MYO1B: variants seen among roughly 807,000 people sequenced by gnomAD.
The protein encoded by MYO1B is myosin IB, also known as unconventional myosin-Ib.
In MYO1B, 72 loss-of-function variants were observed where a neutral mutation model predicts 159.7. The ratio of observed to expected loss-of-function variants is 0.45; its 90% CI spans 0.37 to 0.55. MYO1B has a LOEUF of 0.55. Among genes scored for constraint, MYO1B ranks in the 20% least tolerant of loss-of-function variants. The pLI is 0.00. For synonymous variants in MYO1B, 468 were observed against 473.8 expected (o/e 0.99, Z 0.16); for missense variants, 1,062 against 1,364.8 (o/e 0.78, Z 3.50).
intron 3 of MYO1B, among the ~76,000 whole-genome samples, chr2:191,324,461 A>C (rs1690925278): frequency 2.0e-5 from 3 of 152,146 alleles, no homozygotes; most frequent in Admixed American, 6.6e-5. Context: ...TTTAGAATCC[A>C]TATAGAGTTA....
intron 18 of MYO1B, 60 bp downstream of exon 18, chr2:191,390,552 G>T (rs1695686108): frequency 1.3e-6 from 2 of 1,518,336 alleles, no homozygotes; most frequent in Non-Finnish European, 8.9e-7. Context: ...ATAATACGGT[G>T]TTTTTTCACA....
chr2:191,365,063 T>A (rs1421467783), intron 11 of MYO1B, among the ~76,000 whole-genome samples: 1 of 152,184 alleles, frequency 6.6e-6, no homozygotes, highest in Non-Finnish European at 1.5e-5. Flanking sequence ...AGCTGCTGCC[T>A]TCTCTCCTTT....
intron 1 of MYO1B, among the ~76,000 whole-genome samples, chr2:191,264,105 A>G (rs1686980904): frequency 6.6e-6 from 1 of 152,184 alleles, no homozygotes; most frequent in Non-Finnish European, 1.5e-5. Flanking sequence ...TCCAAATTCT[A>G]ATATAATTGT....
At chr2:191,363,274 T>G (rs1351707972) in intron 9 of MYO1B, among the ~76,000 whole-genome samples, 1 of 152,146 alleles carries the variant, frequency 6.6e-6, no homozygotes, top group Non-Finnish European at 1.5e-5. Flanking sequence ...CCGTAAAAAT[T>G]TATGAATGAA....
chr2:191,355,697 C>G (rs982112261), intron 7 of MYO1B, among the ~76,000 whole-genome samples: 1 of 152,220 alleles, frequency 6.6e-6, no homozygotes, highest in East Asian at 1.9e-4. Context: ...GCTGAGCCCT[C>G]TGTGCACGGC....
chr2:191,293,727 A>T (rs1276487165), intron 2 of MYO1B, among the ~76,000 whole-genome samples: 6 of 152,118 alleles, frequency 3.9e-5, no homozygotes, highest in Non-Finnish European at 7.4e-5. Flanking sequence ...CTGTTTTATC[A>T]GCATCGTCTT....
intron 1 of MYO1B, among the ~76,000 whole-genome samples, chr2:191,267,098 CT>C (rs1357605543): frequency 6.6e-6 from 1 of 152,022 alleles, no homozygotes; most frequent in Non-Finnish European, 1.5e-5. Flanking sequence ...CCCTCTCTGC[CT>C]ATGCAGAGAC....
Position 191,394,922 on chromosome 2 carries a change from A to T in MYO1B, c.2227-1507A>T, listed in dbSNP as rs371852361. Among the ~76,000 whole-genome samples the T allele has an allele frequency of 1.1e-4, 16 of 152,304 alleles. No individual in the cohort carries two copies. The East Asian group carries it at 2.5e-3, about 24-fold the overall frequency. ...TGCATTAACTTTGTTCTAATGTTAC[A>T]TCTCTTTCAAAATTTGAACTACATA... On this transcript the variant is annotated intron_variant, in intron 20 of 30. Transcript: ENST00000392318.
At chr2:191,330,536 C>T (rs1691404820) in intron 4 of MYO1B, among the ~76,000 whole-genome samples, 1 of 152,126 alleles carries the variant, frequency 6.6e-6, no homozygotes, top group African/African-American at 2.4e-5. Context: ...AAAAACCCTC[C>T]AAATGGAAGG....
At chr2:191,361,944 A>G (rs1202928468) in intron 8 of MYO1B, among the ~76,000 whole-genome samples, 1 of 152,150 alleles carries the variant, frequency 6.6e-6, no homozygotes, top group Admixed American at 6.5e-5. Flanking sequence ...CAGAACACAT[A>G]TGTTATAATG....
At chr2:191,261,668 C>T (rs35339956) in intron 1 of MYO1B, among the ~76,000 whole-genome samples, 42,219 of 151,938 alleles carry the variant, frequency 0.28, 6,411 homozygotes, top group Middle Eastern at 0.46. Context: ...CAAGGCGGGA[C>T]GTAGAGAGGG....
chr2:191,313,225 T>TTTTTTG (rs1690127069), intron 3 of MYO1B, among the ~76,000 whole-genome samples: 1 of 77,392 alleles, frequency 1.3e-5, no homozygotes, highest in Non-Finnish European at 2.7e-5. Flanking sequence ...TTTTTTTTTT[T>TTTTTTG]TTGAGACGGA....
intron 7 of MYO1B, among the ~76,000 whole-genome samples, chr2:191,351,659 G>A (rs1692934049): frequency 6.6e-6 from 1 of 152,178 alleles, no homozygotes; most frequent in African/African-American, 2.4e-5. Context: ...GACTGAGGCA[G>A]GGGGATCACC....
intron 13 of MYO1B, among the ~76,000 whole-genome samples, chr2:191,380,634 A>G (rs560691702): frequency 1.3e-5 from 2 of 152,368 alleles, no homozygotes; most frequent in African/African-American, 4.8e-5. Context: ...TGATTTAGGC[A>G]TAAAGCTTCT....
chr2:191,294,386 TAAAG>T (rs1456669164), intron 2 of MYO1B, among the ~76,000 whole-genome samples: 1 of 152,220 alleles, frequency 6.6e-6, no homozygotes, highest in Non-Finnish European at 1.5e-5. Context: ...CTTTTCTACT[TAAAG>T]AAGGTTGATT....
At chr2:191,392,415 C>G (rs1695809621) in intron 19 of MYO1B, among the ~76,000 whole-genome samples, 1 of 152,140 alleles carries the variant, frequency 6.6e-6, no homozygotes, top group East Asian at 1.9e-4. Flanking sequence ...AAAGTCTTTG[C>G]TCTGACAGAT....
Position 191,359,480 on chromosome 2 carries a change from G to A in MYO1B, c.563-1151G>A, listed in dbSNP as rs551872591. Among the ~76,000 whole-genome samples the A allele has an allele frequency of 5.3e-5, 8 of 152,024 alleles. No homozygotes were observed. The South Asian group carries it at 1.2e-3, about 24-fold the overall frequency. On this transcript the variant is annotated intron_variant, in intron 7 of 30. Transcript: ENST00000392318. ...ACTTACATATTTTTGTTCTTTTTCAGTTGGCTCAATTTTATGTTTTCTTAT... is the reference window on the plus strand; with the variant it reads ...ACTTACATATTTTTGTTCTTTTTCAATTGGCTCAATTTTATGTTTTCTTAT...
intron 4 of MYO1B, among the ~76,000 whole-genome samples, chr2:191,331,862 G>A (rs891970888): frequency 9.9e-5 from 15 of 152,190 alleles, no homozygotes; most frequent in African/African-American, 3.4e-4. Context: ...TCTTGGTCCT[G>A]TTGTTCTGGA....
At chr2:191,408,654 G>A (rs1697076156) in intron 25 of MYO1B, among the ~76,000 whole-genome samples, 1 of 152,148 alleles carries the variant, frequency 6.6e-6, no homozygotes, top group Non-Finnish European at 1.5e-5. Flanking sequence ...TCTGGAGCCA[G>A]CCCCCACTGC....
Sources: gnomAD v4.1 joint callset for allele counts (sites outside exome capture counted in the v4.1 genomes callset) on GRCh38, gnomAD v4.1.1 for gene constraint, MANE v1.5 for transcripts, NCBI Gene and HGNC (gene_info 2026-07-23, HGNC 2026-07-21) for gene names.